Variants in RAB6A observed in about 807,000 individuals in gnomAD.
The protein encoded by RAB6A is ras-related protein Rab-6A.
RAB6A carries 8 observed loss-of-function variants against 32.3 expected under a neutral mutation model. That is an observed-to-expected ratio of 0.25 (90% CI 0.15 to 0.45). RAB6A has a LOEUF of 0.45. RAB6A is among the 20% of genes least tolerant of loss of function. RAB6A has a pLI of 1.00. For synonymous variants in RAB6A, 73 were observed against 82.1 expected (o/e 0.89, Z 0.60); for missense variants, 104 against 249.4 (o/e 0.42, Z 3.93).
At chr11:73,709,384 C>T (rs944411899) in intron 5 of RAB6A, among the ~76,000 whole-genome samples, 4 of 150,970 alleles carry the variant, frequency 2.6e-5, no homozygotes, top group Non-Finnish European at 5.9e-5. Flanking sequence ...GATAAATGCT[C>T]GAGTCAGTCT....
At chr11:73,730,967 C>G in intron 1 of RAB6A, 144 bp from the exon 2 acceptor site, 1 of 599,900 alleles carries the variant, frequency 1.7e-6, no homozygotes, top group East Asian at 3.1e-5. Context: ...CATATAGCCC[C>G]AAGATTGTCA....
intron 1 of RAB6A, among the ~76,000 whole-genome samples, chr11:73,744,528 A>C (rs1946553142): frequency 8.2e-6 from 1 of 121,694 alleles, no homozygotes; most frequent in Non-Finnish European, 1.9e-5. Context: ...AAAAAAAAAA[A>C]AAAAAAAAAA....
intron 3 of RAB6A, among the ~76,000 whole-genome samples, chr11:73,719,991 A>G (rs905761722): frequency 6.6e-6 from 1 of 151,904 alleles, no homozygotes; most frequent in Non-Finnish European, 1.5e-5. Context: ...AAAACACCTA[A>G]GAAATAACAC....
intron 5 of RAB6A, among the ~76,000 whole-genome samples, chr11:73,713,526 C>G (rs1946000465): frequency 6.6e-6 from 1 of 151,378 alleles, no homozygotes; most frequent in Non-Finnish European, 1.5e-5. Flanking sequence ...CAAGATTGCG[C>G]CACTGCACTC....
chr11:73,724,377 C>T (rs890665106), intron 2 of RAB6A, among the ~76,000 whole-genome samples: 1 of 152,138 alleles, frequency 6.6e-6, no homozygotes, highest in Non-Finnish European at 1.5e-5. Flanking sequence ...GTACTCTCTT[C>T]CTTCTCTGAA....
chr11:73,714,654 T>TC (rs1202755346), intron 5 of RAB6A, among the ~76,000 whole-genome samples: 1 of 147,994 alleles, frequency 6.8e-6, no homozygotes, highest in East Asian at 2.0e-4. Flanking sequence ...AATGCGAGAC[T>TC]CCAACTCAAA....
At chr11:73,739,284 A>AAAAAAATATAT (rs1208877325) in intron 1 of RAB6A, among the ~76,000 whole-genome samples, 7 of 6,754 alleles carry the variant, frequency 1.0e-3, no homozygotes, top group African/African-American at 2.0e-3. Context: ...AAAAAAAAAA[A>AAAAAAATATAT]ATATATATAT....
intron 2 of RAB6A, among the ~76,000 whole-genome samples, chr11:73,724,525 A>G (rs1490356281): frequency 3.8e-5 from 5 of 130,716 alleles, no homozygotes; most frequent in African/African-American, 1.2e-4. Flanking sequence ...TCGCTCTGTC[A>G]CCCAGGCTGG....
At chr11:73,735,920 T>TAAAAAAAA (rs10676769) in intron 1 of RAB6A, among the ~76,000 whole-genome samples, 22 of 87,084 alleles carry the variant, frequency 2.5e-4, no homozygotes, top group Non-Finnish European at 3.3e-4. Context: ...AACCTTGCCT[T>TAAAAAAAA]AAAAAAAAAA....
At chr11:73,686,219 C>T (rs947301904) in intron 6 of RAB6A, among the ~76,000 whole-genome samples, 3 of 152,150 alleles carry the variant, frequency 2.0e-5, no homozygotes, top group Non-Finnish European at 4.4e-5. Context: ...ATTTATTAAA[C>T]TGCTTGCCTA....
chr11:73,741,456 T>C (rs1182411245), intron 1 of RAB6A, among the ~76,000 whole-genome samples: 1 of 151,808 alleles, frequency 6.6e-6, no homozygotes, highest in East Asian at 1.9e-4. Context: ...ACTCTTACCA[T>C]ATGATCCAGC....
chr11:73,678,893 T>A (rs2134857126), intron 7 of RAB6A, among the ~76,000 whole-genome samples: 1 of 151,852 alleles, frequency 6.6e-6, no homozygotes, highest in African/African-American at 2.4e-5. Context: ...GCCCAGGTAA[T>A]TTTTTTATTT....
chr11:73,760,080 C>A (rs1435787091), intron 1 of RAB6A: 3 of 1,290,088 alleles, frequency 2.3e-6, no homozygotes, highest in Non-Finnish European at 3.0e-6. Flanking sequence ...CAGGGCCAAG[C>A]CTCTGGGGAA....
chr11:73,749,981 T>C (rs1792196), intron 1 of RAB6A, among the ~76,000 whole-genome samples: 139,345 of 152,264 alleles, frequency 0.92, 63,944 homozygotes, highest in East Asian at 1. Flanking sequence ...GGCAACATAG[T>C]GAGATCTTAC....
chr11:73,716,408 C>T, intron 4 of RAB6A, 46 bp from the exon 5 acceptor site: 1 of 1,459,412 alleles, frequency 6.9e-7, no homozygotes, highest in Non-Finnish European at 9.5e-7. Flanking sequence ...CTGAAAAATG[C>T]CTCCCCAGGT....
chr11:73,754,823 G>A (rs949097618), intron 1 of RAB6A, among the ~76,000 whole-genome samples: 3 of 151,860 alleles, frequency 2.0e-5, no homozygotes, highest in Admixed American at 2.0e-4. Context: ...AGGAGGCTGA[G>A]GCATGAGAAT....
At position 73,690,749 on chromosome 11, in the gene RAB6A, T is replaced by C. The variant is rs145945960; in HGVS notation, c.496-11029A>G. On this transcript the variant is annotated intron_variant, in intron 6 of 7. Transcript: ENST00000336083. ...CAAATCAGCAAACGGAATTCCAGGGTTCTGAGCCCATGGTTGGGTCCAGTG... is the reference window on the plus strand; with the variant it reads ...CAAATCAGCAAACGGAATTCCAGGGCTCTGAGCCCATGGTTGGGTCCAGTG... 8.7e-5 allele frequency among the ~76,000 whole-genome samples: 13 copies of C among 148,684 alleles called. No homozygotes were observed. In the East Asian group the frequency reaches 2.5e-3, roughly 29 times the overall value.
At chr11:73,748,741 G>T (rs1367985456) in intron 1 of RAB6A, among the ~76,000 whole-genome samples, 6 of 152,140 alleles carry the variant, frequency 3.9e-5, no homozygotes, top group Non-Finnish European at 8.8e-5. Context: ...TAAATCACAA[G>T]TTCACTTTTC....
intron 6 of RAB6A, chr11:73,704,264 T>TC (rs1565354690): frequency 2.7e-6 from 1 of 364,538 alleles, no homozygotes; most frequent in African/African-American, 2.1e-5. Context: ...GTGCCTGTAG[T>TC]CCCAGCTATT....
Sources: allele counts gnomAD v4.1 joint callset (sites outside exome capture counted in the v4.1 genomes callset), GRCh38; gene constraint gnomAD v4.1.1; transcripts MANE v1.5; gene names NCBI Gene and HGNC (gene_info 2026-07-23, HGNC 2026-07-21).